EFNA3: variants seen among roughly 807,000 people sequenced by gnomAD.
EFNA3 encodes the protein ephrin-A3.
Under a neutral mutation model 25.0 loss-of-function variants are expected in EFNA3, and 15 were observed. That is an observed-to-expected ratio of 0.60 (90% confidence interval 0.40 to 0.92). The LOEUF (loss-of-function observed/expected upper bound fraction) is 0.92, where lower values mean the gene tolerates loss of function less well. Among genes scored for constraint, EFNA3 ranks in the 40% least tolerant of loss-of-function variants. The pLI, the probability that EFNA3 is intolerant of heterozygous loss-of-function variation, is 0.00. For synonymous variants in EFNA3, 153 were observed against 145.6 expected (o/e 1.05, Z -0.37); for missense variants, 298 against 323.8 (o/e 0.92, Z 0.61).
At position 155,079,697 on chromosome 1, in the gene EFNA3, G is replaced by A. The variant is rs1459248931; in HGVS notation, c.128+628G>A. 1.3e-5 allele frequency among the ~76,000 whole-genome samples: 2 copies of A among 152,188 alleles called. No homozygotes were observed. The highest frequency in any genetic ancestry group is 2.9e-5 in the Non-Finnish European group (2 of 68,018). ...CCGGCGAGACGGAAGGCGGCAGAGA[G>A]ATGTCGGTGTGTCACACACGCACAC... On this transcript the variant is annotated intron_variant, in intron 1 of 4. Transcript: ENST00000368408. The surrounding 1 kb of genome is among the most constrained non-coding windows in gnomAD (Gnocchi z 7.7).
chr1:155,084,037 T>G (rs1663392310), intron 1 of EFNA3, among the ~76,000 whole-genome samples: 2 of 152,106 alleles, frequency 1.3e-5, no homozygotes, highest in African/African-American at 4.8e-5. Flanking sequence ...GCAAGGCAGG[T>G]GGGGATTACA....
At position 155,080,583 on chromosome 1, in the gene EFNA3, G is replaced by T. The variant is rs1195178653; in HGVS notation, c.128+1514G>T. ...CTGGCGGGGAACGGAGAGCTCGCAG[G>T]TGAGGGGCCCCGGGTTCCCCGCCAC... On this transcript the variant is annotated intron_variant, in intron 1 of 4. Coordinates refer to ENST00000368408, the MANE Select transcript of EFNA3 (RefSeq NM_004952.5). The surrounding 1 kb of genome is among the most constrained non-coding windows in gnomAD (Gnocchi z 7.0). Among the ~76,000 whole-genome samples, 1 of 152,170 alleles carries T rather than the reference G, an allele frequency of 6.6e-6. No homozygotes were observed. The highest frequency in any genetic ancestry group is 1.5e-5 in the Non-Finnish European group (1 of 68,008).
In EFNA3 at chr1:155,086,098, C is replaced by T. The variant is rs1018770189; in HGVS notation, c.509-30C>T. On this transcript the variant is annotated intron_variant, in intron 3 of 4. Coordinates refer to ENST00000368408, the MANE Select transcript of EFNA3 (RefSeq NM_004952.5). ...GAATCCTGGCCCTGACTCTCCCCTC[C>T]TCTCTCCCCACCCGCACCCCACCCC... The T allele has an allele frequency of 3.1e-6, 5 of 1,602,004 alleles. No individual in the cohort carries two copies. The African/African-American group carries it at 5.4e-5, about 17-fold the overall frequency.
rs1663301454 is a variant in EFNA3, at chr1:155,079,492, C to T, written c.128+423C>T. On this transcript the variant is annotated intron_variant, in intron 1 of 4. Coordinates refer to ENST00000368408, the MANE Select transcript of EFNA3 (RefSeq NM_004952.5). This position sits in a 1 kb window ranked among gnomAD's most constrained non-coding sequence, Gnocchi z 7.7. The stretch of plus-strand genomic sequence containing the variant: ...GCTTCCAGGGGTTCTGTCTAGGACT[C>T]CTGCTTTTAAAAGTGGGGTCCAGAG... Among the ~76,000 whole-genome samples, 1 of 152,064 alleles carries T rather than the reference C, an allele frequency of 6.6e-6. No individual in the cohort carries two copies. Among genetic ancestry groups the T allele is most frequent in the African/African-American group, 2.4e-5 (1 of 41,382 alleles).
chr1:155,086,571 G>C lies in EFNA3; in HGVS notation c.*28G>C. 1 of 1,611,106 alleles carries C rather than the reference G, an allele frequency of 6.2e-7. No homozygotes were observed. The highest frequency in any genetic ancestry group is 8.5e-7 in the Non-Finnish European group (1 of 1,178,562). On this transcript the variant is annotated 3_prime_UTR_variant, in exon 5 of 5. Transcript: ENST00000368408. ...CTGCCCCCTCCCCTGGGGGGGGAGA[G>C]ATGGGGCGGGGCTTGGAAGGAGCAG... is the stretch of plus-strand genomic sequence containing the variant.
Position 155,085,077 on chromosome 1 carries a change from C to T in EFNA3, c.129-14C>T, listed in dbSNP as rs202058223. On this transcript the variant is annotated splice_polypyrimidine_tract_variant and intron_variant, in intron 1 of 4. Transcript: ENST00000368408. The surrounding 1 kb of genome is among the most constrained non-coding windows in gnomAD (Gnocchi z 4.4). ...GGGGTTTCTTCTCTCTGAGCCGCTT[C>T]CTCTTCCCCACAGCCTGCGGCGAGA... The T allele has an allele frequency of 1.1e-4, 180 of 1,612,726 alleles. No individual in the cohort carries two copies. Among genetic ancestry groups the T allele is most frequent in the Non-Finnish European group, 4.2e-6 (5 of 1,179,650 alleles).
At chr1:155,083,716 T>C (rs1663386569) in intron 1 of EFNA3, among the ~76,000 whole-genome samples, 2 of 152,192 alleles carry the variant, frequency 1.3e-5, no homozygotes. Context: ...TCCACGCTCA[T>C]TTCTTTAATG....
In EFNA3 at chr1:155,081,837, C is replaced by T. The variant is rs1213531929; in HGVS notation, c.128+2768C>T. On this transcript the variant is annotated intron_variant, in intron 1 of 4. Coordinates refer to ENST00000368408, the MANE Select transcript of EFNA3 (RefSeq NM_004952.5). This position sits in a 1 kb window ranked among gnomAD's most constrained non-coding sequence, Gnocchi z 5.2. ...TGAATCCGGCCTCTGCCACCCTCCC[C>T]TTGTCGGTGTGTGTCTCCCCCTCAC... 6.6e-6 allele frequency among the ~76,000 whole-genome samples: 1 copy of T among 152,212 alleles called. No individual in the cohort carries two copies. The highest frequency in any genetic ancestry group is 2.4e-5 in the African/African-American group (1 of 41,446).
Position 155,086,222 on chromosome 1 carries a change from C to T in EFNA3, c.586+17C>T, listed in dbSNP as rs1663454907. ...ACGTGCTGGGTGAGTCTGCGCAGCG[C>T]CCTCTGGTGGCCACTGCTGGAACCG... On this transcript the variant is annotated intron_variant, in intron 4 of 4. Coordinates refer to ENST00000368408, the MANE Select transcript of EFNA3 (RefSeq NM_004952.5). 2 of 1,613,362 alleles carry T rather than the reference C, an allele frequency of 1.2e-6. No homozygotes were observed.
rs1019254422 is a variant in EFNA3 at position 155,085,718 on chromosome 1, C to T, written c.443-159C>T. ...GTGGGACCAAAGGGGCGTCTAGGGC[C>T]GACGGCAGAGCTAAAGTGACCCGTG... On this transcript the variant is annotated intron_variant, in intron 2 of 4. Transcript: ENST00000368408. The surrounding 1 kb of genome is among the most constrained non-coding windows in gnomAD (Gnocchi z 4.4). 3.2e-5 allele frequency: 27 copies of T among 844,264 alleles called. No homozygotes were observed. In the Admixed American group the frequency reaches 3.4e-4, roughly 11 times the overall value. The allele number at this position is 844,264 out of a possible 1,614,324, so 52.3% of individuals were successfully genotyped here.
rs1663350697 is a variant in EFNA3 at position 155,081,992 on chromosome 1, C to T, written c.128+2923C>T. Among the ~76,000 whole-genome samples the T allele has an allele frequency of 6.6e-6, 1 of 152,170 alleles. No individual in the cohort carries two copies. Among genetic ancestry groups the T allele is most frequent in the Admixed American group, 6.5e-5 (1 of 15,284 alleles). On this transcript the variant is annotated intron_variant, in intron 1 of 4. Transcript: ENST00000368408. The surrounding 1 kb of genome is among the most constrained non-coding windows in gnomAD (Gnocchi z 5.2). ...GGAGGTGTCGGGCGCGCTGATTCTC[C>T]CCCACCCGACGCGGCCCAGGGAAGC...
rs1317306595 is a variant in EFNA3 at position 155,081,329 on chromosome 1, G to T, written c.128+2260G>T. 1.3e-5 allele frequency among the ~76,000 whole-genome samples: 2 copies of T among 152,226 alleles called. No homozygotes were observed. Among genetic ancestry groups the T allele is most frequent in the Non-Finnish European group, 2.9e-5 (2 of 68,038 alleles). On this transcript the variant is annotated intron_variant, in intron 1 of 4. Transcript: ENST00000368408. The surrounding 1 kb of genome is among the most constrained non-coding windows in gnomAD (Gnocchi z 5.2). ...ATGCATTAGAGTATGAGGTCGAGGA[G>T]TCCCCTAAGCCGGGAATCGAACTTG...
In EFNA3 at chr1:155,081,674, C is replaced by A. The variant is rs1663344743; in HGVS notation, c.128+2605C>A. Among the ~76,000 whole-genome samples the A allele has an allele frequency of 6.6e-6, 1 of 152,164 alleles. No homozygotes were observed. Among genetic ancestry groups the A allele is most frequent in the African/African-American group, 2.4e-5 (1 of 41,444 alleles). On this transcript the variant is annotated intron_variant, in intron 1 of 4. Transcript: ENST00000368408. This position sits in a 1 kb window ranked among gnomAD's most constrained non-coding sequence, Gnocchi z 5.2. The stretch of plus-strand genomic sequence containing the variant: ...GCTTCTCTCCTTTGCGTCTCTGTCT[C>A]CGTCTCCGCCGTCTGTGGGCCTCTC...
intron 1 of EFNA3, among the ~76,000 whole-genome samples, chr1:155,084,454 G>A (rs949209435): frequency 1.3e-5 from 2 of 152,368 alleles, no homozygotes; most frequent in South Asian, 2.1e-4. Context: ...TGTGTCTGCT[G>A]CCTATGAGTG....
chr1:155,083,178 G>A (rs1043054506), intron 1 of EFNA3, among the ~76,000 whole-genome samples: 1 of 152,210 alleles, frequency 6.6e-6, no homozygotes, highest in Non-Finnish European at 1.5e-5. Context: ...TGCTGGAATG[G>A]GGTGTGTTGT....
In EFNA3 at chr1:155,079,003, T is replaced by C; in HGVS notation, c.62T>C (p.Leu21Pro). The part of the protein sequence containing the change: ...LLVPVPLLPL[L>P]AQGPGGALGN... Reference sequence around the variant, plus strand: ...GTGCCCGTGCCGCTGCTGCCGCTGCTGGCCCAAGGGCCCGGAGGGGCGCTG... The same window carrying C: ...GTGCCCGTGCCGCTGCTGCCGCTGCCGGCCCAAGGGCCCGGAGGGGCGCTG... Residue 21 changes from leucine to proline, a missense_variant, in exon 1 of 5, where the codon CTG (leucine) becomes CCG (proline). Physicochemically the swap from Leu to Pro is moderately conservative, Grantham distance 98. Coordinates refer to ENST00000368408, the MANE Select transcript of EFNA3 (RefSeq NM_004952.5). The surrounding 1 kb of genome is among the most constrained non-coding windows in gnomAD (Gnocchi z 7.7). 3 of 1,435,746 alleles carry C rather than the reference T, an allele frequency of 2.1e-6. No individual in the cohort carries two copies. Among genetic ancestry groups the C allele is most frequent in the Non-Finnish European group, 2.7e-6 (3 of 1,091,216 alleles). The allele number at this position is 1,435,746 out of a possible 1,614,324, so 88.9% of individuals were successfully genotyped here.
chr1:155,085,415 G>A lies in EFNA3; in HGVS notation c.442+11G>A, dbSNP rs375361102. The A allele has an allele frequency of 3.5e-5, 55 of 1,556,308 alleles. No individual in the cohort carries two copies. The highest frequency in any genetic ancestry group is 4.7e-5 in the Non-Finnish European group (54 of 1,145,504). On this transcript the variant is annotated intron_variant, in intron 2 of 4. Transcript: ENST00000368408. The surrounding 1 kb of genome is among the most constrained non-coding windows in gnomAD (Gnocchi z 4.4). ...AGTACTACTACATCTGTGAGTGACG[G>A]CGGCCGGGCGGGCGGGTCTGAACGC... is the stretch of plus-strand genomic sequence containing the variant.
At position 155,079,016 on chromosome 1, in the gene EFNA3, CG is replaced by C; in HGVS notation, c.77del (p.Gly26GlufsTer28). The C allele has an allele frequency of 7.0e-7, 1 of 1,426,060 alleles. No individual in the cohort carries two copies. The highest frequency in any genetic ancestry group is 9.2e-7 in the Non-Finnish European group (1 of 1,085,804). 88.3% of individuals were successfully genotyped at this position (1,426,060 alleles called of 1,614,324 possible). A position where few individuals can be genotyped will look rare whatever the true frequency, so the allele number is the denominator to read the frequency against. ...PLLPLLAQGP[G>X]GALGNRHAVY... ...TGCTGCCGCTGCTGGCCCAAGGGCC[CG>C]GAGGGGCGCTGGGAAACCGGCATGC... On this transcript the variant is annotated frameshift_variant, in exon 1 of 5. Transcript: ENST00000368408. LOFTEE classifies it high-confidence loss of function. The surrounding 1 kb of genome is among the most constrained non-coding windows in gnomAD (Gnocchi z 7.7).
At position 155,087,314 on chromosome 1, in the gene EFNA3, G is replaced by A. The variant is rs1278384715; in HGVS notation, c.*771G>A. 2.0e-5 allele frequency: 3 copies of A among 152,664 alleles called. No individual in the cohort carries two copies. The highest frequency in any genetic ancestry group is 7.3e-5 in the African/African-American group (3 of 41,370). The allele number at this position is 152,664 out of a possible 1,614,324, so 9.5% of individuals were successfully genotyped here. ...TGGGGGACCCCCTGGCCCCTCTTTTGTCTTCTGTGAAGACAGGACCTATGC... is the reference window on the plus strand; with the variant it reads ...TGGGGGACCCCCTGGCCCCTCTTTTATCTTCTGTGAAGACAGGACCTATGC... On this transcript the variant is annotated 3_prime_UTR_variant, in exon 5 of 5. Transcript: ENST00000368408.
Sources: gnomAD v4.1 joint callset for allele counts (sites outside exome capture counted in the v4.1 genomes callset) on GRCh38, gnomAD v4.1.1 for gene constraint, Gnocchi (gnomAD v3.1) non-coding constraint, MANE v1.5 for transcripts, NCBI Gene and HGNC (gene_info 2026-07-23, HGNC 2026-07-21) for gene names.